The following SENP6 variants were observed in gnomAD, a reference collection of about 807,000 sequenced individuals.
SENP6 encodes SUMO specific peptidase 6.
A neutral mutation model predicts 134.5 loss-of-function variants in SENP6; 41 were observed. That is an observed-to-expected ratio of 0.30 (90% CI 0.24 to 0.40). The LOEUF is 0.40. Ranked by LOEUF, SENP6 falls within the 10% of genes least tolerant of loss-of-function variation. The probability of loss-of-function intolerance (pLI) is 1.00; values close to 1 mark genes in which losing one functional copy is unlikely to be tolerated. For synonymous variants in SENP6, 395 were observed against 429.8 expected (o/e 0.92, Z 1.00); for missense variants, 1,248 against 1,312.5 (o/e 0.95, Z 0.76).
At chr6:75,713,147 A>G (rs546538957) in intron 21 of SENP6, among the ~76,000 whole-genome samples, 2 of 152,100 alleles carry the variant, frequency 1.3e-5, no homozygotes, top group Admixed American at 6.5e-5. Flanking sequence ...ATACTTTTTC[A>G]TGGTCCTTTT....
At chr6:75,709,235 C>T (rs1479761610) in intron 19 of SENP6, among the ~76,000 whole-genome samples, 1 of 152,080 alleles carries the variant, frequency 6.6e-6, no homozygotes, top group Non-Finnish European at 1.5e-5. Flanking sequence ...TTTGTTTACA[C>T]ATATACATAT....
At chr6:75,686,110 T>A (rs1773824279) in intron 16 of SENP6, among the ~76,000 whole-genome samples, 1 of 152,220 alleles carries the variant, frequency 6.6e-6, no homozygotes, top group South Asian at 2.1e-4. Context: ...TTAGGATAGT[T>A]AGTTCTTCTT....
Position 75,622,685 on chromosome 6 carries a change from C to G in SENP6, c.146+1060C>G. ...ATATACACACAAAGTTCTACCAAAA[C>G]TATAAATATGTTAAAGAAATTTTTA... On this transcript the variant is annotated intron_variant, in intron 2 of 23. Transcript: ENST00000447266. 4 of 779,878 alleles carry G rather than the reference C, an allele frequency of 5.1e-6. No individual in the cohort carries two copies. In the South Asian group the frequency reaches 6.0e-5, roughly 12 times the overall value. 48.3% of individuals were successfully genotyped at this position (779,878 alleles called of 1,614,324 possible).
intron 18 of SENP6, among the ~76,000 whole-genome samples, chr6:75,698,872 G>T (rs761380539): frequency 2.0e-5 from 3 of 151,896 alleles, no homozygotes; most frequent in Non-Finnish European, 4.4e-5. Context: ...TTAGCTGGGC[G>T]TGGTGGTGCG....
At chr6:75,634,943 A>C in intron 5 of SENP6, 132 bp downstream of exon 5, 1 of 694,652 alleles carries the variant, frequency 1.4e-6, no homozygotes, top group South Asian at 1.5e-5. Context: ...ATATCTCTGA[A>C]ATAATTCATG....
At chr6:75,696,499 A>G (rs1380252360) in intron 17 of SENP6, among the ~76,000 whole-genome samples, 1 of 152,038 alleles carries the variant, frequency 6.6e-6, no homozygotes, top group Non-Finnish European at 1.5e-5. Context: ...TTTTTTCAAG[A>G]CAGGGTCTCA....
intron 18 of SENP6, among the ~76,000 whole-genome samples, chr6:75,699,815 C>T (rs1388505883): frequency 2.0e-5 from 3 of 151,924 alleles, no homozygotes; most frequent in African/African-American, 7.3e-5. Context: ...AGTTTCTAAG[C>T]TGTTTATTAA....
intron 9 of SENP6, 80 bp downstream of exon 9, chr6:75,663,598 C>A (rs1771944654): frequency 2.0e-6 from 2 of 983,072 alleles, no homozygotes. Context: ...CTCTCCCCAA[C>A]CCCATATATA....
At chr6:75,711,974 C>T (rs185507157) in intron 21 of SENP6, among the ~76,000 whole-genome samples, 1 of 152,298 alleles carries the variant, frequency 6.6e-6, no homozygotes, top group African/African-American at 2.4e-5. Flanking sequence ...CGCCCGGCCA[C>T]AAGTTTTGAT....
At position 75,602,470 on chromosome 6, in the gene SENP6, G is replaced by A. The variant is rs1029846972; in HGVS notation, c.-55G>A. ...CCGGCGCGGCCCCTCATCCCGGCGA[G>A]CACGGCGGCGGTGTGGGCCATGGAT... On this transcript the variant is annotated 5_prime_UTR_variant, in exon 1 of 24. Coordinates refer to ENST00000447266, the MANE Select transcript of SENP6 (RefSeq NM_015571.4). The A allele has an allele frequency of 3.9e-6, 6 of 1,545,716 alleles. No individual in the cohort carries two copies. The African/African-American group carries it at 5.5e-5, about 14-fold the overall frequency.
At chr6:75,659,052 TTAG>T (rs1181693436) in intron 7 of SENP6, among the ~76,000 whole-genome samples, 2 of 150,722 alleles carry the variant, frequency 1.3e-5, no homozygotes, top group East Asian at 1.9e-4. Flanking sequence ...TTCTGTTACC[TTAG>T]TAGAACAAAA....
At chr6:75,666,198 TATATATGATATATATAAGTATG>T in intron 9 of SENP6, among the ~76,000 whole-genome samples, 1 of 114,266 alleles carries the variant, frequency 8.8e-6, no homozygotes, top group Non-Finnish European at 2.2e-5. Context: ...ATATAAAACG[TATATATGATATATATAAGTATG>T]ATATATATAA....
At position 75,713,701 on chromosome 6, in the gene SENP6, A is replaced by G; in HGVS notation, c.3005A>G (p.Lys1002Arg). 1 of 1,612,714 alleles carries G rather than the reference A, an allele frequency of 6.2e-7. No individual in the cohort carries two copies. The highest frequency in any genetic ancestry group is 8.5e-7 in the Non-Finnish European group (1 of 1,179,082). ...REYLEVEWEV[K>R]KGSKRSFSKD... is the part of the protein sequence containing the mutation. ...TATTTAGAAGTGGAATGGGAAGTTA[A>G]AAAAGGAAGCAAAAGAAGTTTTTCC... Residue 1002 changes from lysine to arginine, a missense_variant, in exon 23 of 24, where the codon AAA becomes AGA. Transcript: ENST00000447266.
intron 16 of SENP6, among the ~76,000 whole-genome samples, chr6:75,691,865 GT>G (rs921375969): frequency 3.3e-5 from 5 of 150,834 alleles, no homozygotes; most frequent in African/African-American, 4.9e-5. Flanking sequence ...TTGTTTTTTG[GT>G]TTTTTTTGAG....
chr6:75,672,032 T>C (rs894672312), intron 11 of SENP6, among the ~76,000 whole-genome samples: 1 of 152,220 alleles, frequency 6.6e-6, no homozygotes, highest in East Asian at 1.9e-4. Context: ...ATAAATTGTC[T>C]ACCCTTTATT....
intron 10 of SENP6, among the ~76,000 whole-genome samples, chr6:75,669,720 T>C (rs1772520685): frequency 6.6e-6 from 1 of 152,234 alleles, no homozygotes; most frequent in Non-Finnish European, 1.5e-5. Flanking sequence ...TATTTTGTAA[T>C]GCAAATAACA....
At chr6:75,676,808 A>G in intron 13 of SENP6, 1 of 413,818 alleles carries the variant, frequency 2.4e-6, no homozygotes, top group Non-Finnish European at 4.3e-6. Flanking sequence ...TGTTAGAGTA[A>G]TGTATTCTGG....
At chr6:75,689,613 A>G (rs193093161) in intron 16 of SENP6, among the ~76,000 whole-genome samples, 49 of 152,324 alleles carry the variant, frequency 3.2e-4, no homozygotes, top group African/African-American at 1.1e-3. Flanking sequence ...ATTATGGACC[A>G]TATGTGATAG....
intron 1 of SENP6, among the ~76,000 whole-genome samples, chr6:75,607,286 C>T (rs1057367861): frequency 1.3e-5 from 2 of 151,408 alleles, no homozygotes; most frequent in Admixed American, 6.6e-5. Context: ...GAGTACAGAG[C>T]GAGACCCTGC....
Sources: gnomAD v4.1 joint callset for allele counts (sites outside exome capture counted in the v4.1 genomes callset) on GRCh38, gnomAD v4.1.1 for gene constraint, MANE v1.5 for transcripts, NCBI Gene and HGNC (gene_info 2026-07-23, HGNC 2026-07-21) for gene names.